The following MYO1D variants were observed in gnomAD, a reference collection of about 807,000 sequenced individuals.
MYO1D encodes the protein unconventional myosin-Id.
In MYO1D, 83 loss-of-function variants were observed where a neutral mutation model predicts 122.0. That is an observed-to-expected ratio of 0.68 (90% CI 0.57 to 0.82). MYO1D has a LOEUF of 0.82. Among genes scored for constraint, MYO1D ranks in the 40% least tolerant of loss-of-function variants. The pLI is 0.00. For synonymous variants in MYO1D, 464 were observed against 446.9 expected (o/e 1.04, Z -0.48); for missense variants, 1,157 against 1,269.5 (o/e 0.91, Z 1.35).
Position 32,771,627 on chromosome 17 carries a change from T to C in MYO1D, c.619-407A>G, listed in dbSNP as rs559664949. ...AATATTGCTACGGAAGTAAGAAACATCAGCAGACAGTCATATGCTGAATCA... is the reference window on the plus strand; with the variant it reads ...AATATTGCTACGGAAGTAAGAAACACCAGCAGACAGTCATATGCTGAATCA... On this transcript the variant is annotated intron_variant, in intron 5 of 21. Coordinates refer to ENST00000318217, the MANE Select transcript of MYO1D (RefSeq NM_015194.3). Among the ~76,000 whole-genome samples, 8 of 152,318 alleles carry C rather than the reference T, an allele frequency of 5.3e-5. No individual in the cohort carries two copies. In the South Asian group the frequency reaches 1.7e-3, roughly 32 times the overall value.
intron 14 of MYO1D, among the ~76,000 whole-genome samples, chr17:32,724,080 T>C (rs1328734232): frequency 1.3e-5 from 2 of 152,172 alleles, no homozygotes; most frequent in Non-Finnish European, 2.9e-5. Flanking sequence ...AAATGGCTTA[T>C]AGTAAGTTTT....
In MYO1D at chr17:32,764,860, G is replaced by A. The variant is rs766711094; in HGVS notation, c.1035+18C>T. 6 of 1,612,616 alleles carry A rather than the reference G, an allele frequency of 3.7e-6. No individual in the cohort carries two copies. The South Asian group carries it at 6.6e-5, about 18-fold the overall frequency. On this transcript the variant is annotated intron_variant, in intron 8 of 21. Coordinates refer to ENST00000318217, the MANE Select transcript of MYO1D (RefSeq NM_015194.3). ...CTGCGATCAACACCAGGTGACATAG[G>A]GTCAGTTACACTCTCACCTTGGCAA...
chr17:32,504,511 G>GCT (rs1223815922), intron 21 of MYO1D: 19 of 149,726 alleles, frequency 1.3e-4, no homozygotes, highest in African/African-American at 4.6e-4. Context: ...TGGGTGGCTG[G>GCT]GGTGGGTGGG....
chr17:32,672,436 C>T (rs954965692), intron 16 of MYO1D, among the ~76,000 whole-genome samples: 3 of 152,200 alleles, frequency 2.0e-5, no homozygotes, highest in Non-Finnish European at 2.9e-5. Context: ...TACTACACTA[C>T]TACATTCTTC....
chr17:32,826,158 T>C (rs996598226), intron 1 of MYO1D, among the ~76,000 whole-genome samples: 2 of 152,092 alleles, frequency 1.3e-5, no homozygotes, highest in Non-Finnish European at 2.9e-5. Flanking sequence ...ATCTTGATGA[T>C]ACATTCTCCC....
intron 10 of MYO1D, chr17:32,760,057 G>A: frequency 2.9e-6 from 2 of 696,464 alleles, no homozygotes; most frequent in Non-Finnish European, 5.2e-6. Flanking sequence ...AGTGAAAACA[G>A]GTTTACTGGT....
chr17:32,527,838 CTTTTT>C (rs35009377), intron 21 of MYO1D, among the ~76,000 whole-genome samples: 3 of 134,824 alleles, frequency 2.2e-5, no homozygotes, highest in Non-Finnish European at 4.8e-5. Context: ...AGCAAAACAA[CTTTTT>C]TTTTTTTTTT....
At chr17:32,581,770 T>C (rs907737646) in intron 21 of MYO1D, among the ~76,000 whole-genome samples, 4 of 150,354 alleles carry the variant, frequency 2.7e-5, no homozygotes, top group Non-Finnish European at 5.9e-5. Flanking sequence ...TGTGTGTGTA[T>C]GTGTGTGTGT....
intron 8 of MYO1D, among the ~76,000 whole-genome samples, chr17:32,763,436 C>T (rs72815076): frequency 0.077 from 11,767 of 152,136 alleles, 571 homozygotes; most frequent in East Asian, 0.16. Flanking sequence ...ATGCTAAGAA[C>T]ACTTAGAAAT....
intron 21 of MYO1D, among the ~76,000 whole-genome samples, chr17:32,532,196 C>G (rs546505859): frequency 6.6e-6 from 1 of 152,322 alleles, no homozygotes; most frequent in Non-Finnish European, 1.5e-5. Flanking sequence ...AGGATAAAAA[C>G]AGCCCCCTCT....
intron 21 of MYO1D, among the ~76,000 whole-genome samples, chr17:32,595,555 TTGA>T (rs1181726075): frequency 6.6e-6 from 1 of 152,056 alleles, no homozygotes; most frequent in Non-Finnish European, 1.5e-5. Flanking sequence ...AGGAGAAGGA[TTGA>T]GTTACCATCT....
At chr17:32,849,772 C>A (rs1274471361) in intron 1 of MYO1D, among the ~76,000 whole-genome samples, 2 of 151,654 alleles carry the variant, frequency 1.3e-5, no homozygotes, top group African/African-American at 2.4e-5. Context: ...ATGTAACTAA[C>A]CTGCACAATG....
chr17:32,799,186 A>T (rs1249418364), intron 1 of MYO1D, among the ~76,000 whole-genome samples: 2 of 152,242 alleles, frequency 1.3e-5, no homozygotes, highest in African/African-American at 4.8e-5. Flanking sequence ...GAAAAGAGTC[A>T]AAAACTAAAA....
intron 16 of MYO1D, among the ~76,000 whole-genome samples, chr17:32,670,666 C>T (rs984648291): frequency 1.3e-5 from 2 of 152,186 alleles, no homozygotes; most frequent in Non-Finnish European, 2.9e-5. Flanking sequence ...TTTACATATA[C>T]CCTTCCCTGT....
intron 21 of MYO1D, among the ~76,000 whole-genome samples, chr17:32,590,629 T>A (rs1010240457): frequency 6.6e-6 from 1 of 152,194 alleles, no homozygotes; most frequent in African/African-American, 2.4e-5. Context: ...ACAGTGTTTG[T>A]GGCAGATAAA....
In MYO1D at chr17:32,662,543, C is replaced by T. The variant is rs529264165; in HGVS notation, c.2122-3205G>A. Among the ~76,000 whole-genome samples the T allele has an allele frequency of 2.0e-5, 3 of 152,118 alleles. No individual in the cohort carries two copies. The East Asian group carries it at 5.8e-4, about 30-fold the overall frequency. Reference sequence around the variant, plus strand: ...AAAAAATTAGGCAAGTGTGGTGGTGCGCGTCTGTAATTCCAGCTACTCGTG... The same window carrying T: ...AAAAAATTAGGCAAGTGTGGTGGTGTGCGTCTGTAATTCCAGCTACTCGTG... On this transcript the variant is annotated intron_variant, in intron 16 of 21. Transcript: ENST00000318217.
chr17:32,821,546 A>G (rs540515146), intron 1 of MYO1D, among the ~76,000 whole-genome samples: 1 of 151,854 alleles, frequency 6.6e-6, no homozygotes, highest in South Asian at 2.1e-4. Flanking sequence ...ACACATACAC[A>G]CACACACACA....
At chr17:32,654,680 C>G (rs1016082606) in intron 17 of MYO1D, 59 bp from the exon 18 acceptor site, 3 of 1,435,046 alleles carry the variant, frequency 2.1e-6, no homozygotes, top group Admixed American at 2.6e-5. Context: ...TGCATTCTCT[C>G]TCTCTTTTTT....
At chr17:32,718,994 T>C (rs1198141366) in intron 15 of MYO1D, among the ~76,000 whole-genome samples, 4 of 152,204 alleles carry the variant, frequency 2.6e-5, no homozygotes, top group Non-Finnish European at 5.9e-5. Context: ...TTAGTAGGCA[T>C]TTCAAAGTGA....
Sources: gnomAD v4.1 joint callset for allele counts (sites outside exome capture counted in the v4.1 genomes callset) on GRCh38, gnomAD v4.1.1 for gene constraint, MANE v1.5 for transcripts, NCBI Gene and HGNC (gene_info 2026-07-23, HGNC 2026-07-21) for gene names.